Variants in EYA4 observed in about 807,000 individuals in gnomAD.
The protein encoded by EYA4 is protein phosphatase EYA4.
Under a neutral mutation model 87.9 loss-of-function variants are expected in EYA4, and 31 were observed. The observed-to-expected ratio is 0.35, with a 90% confidence interval of 0.27 to 0.48. EYA4 has a LOEUF of 0.48. Ranked by LOEUF, EYA4 falls within the 20% of genes least tolerant of loss-of-function variation. EYA4 has a pLI of 0.99. For missense variants in EYA4, 678 were observed against 761.4 expected (o/e 0.89, Z 1.29); for synonymous variants, 263 against 270.6 (o/e 0.97, Z 0.28).
In EYA4 at chr6:133,456,551, C is replaced by T. The variant is rs369963371; in HGVS notation, c.278-5C>T. 1.3e-5 allele frequency: 20 copies of T among 1,595,384 alleles called. No homozygotes were observed. The South Asian group carries it at 1.3e-4, about 11-fold the overall frequency. Reference sequence around the variant, plus strand: ...AAACTCACATGTACTTATTCTTCTACGTAGTGTCTCTTCTTGCAGTCAAAA... The same window carrying T: ...AAACTCACATGTACTTATTCTTCTATGTAGTGTCTCTTCTTGCAGTCAAAA... On this transcript the variant is annotated splice_region_variant and splice_polypyrimidine_tract_variant and intron_variant, in intron 5 of 19. Transcript: ENST00000355286.
chr6:133,486,129 G>A (rs958444342), intron 13 of EYA4, among the ~76,000 whole-genome samples: 1 of 151,942 alleles, frequency 6.6e-6, no homozygotes, highest in African/African-American at 2.4e-5. Flanking sequence ...AGTGTTTTTA[G>A]GCTATATTTT....
intron 1 of EYA4, among the ~76,000 whole-genome samples, chr6:133,265,276 C>T (rs1045349686): frequency 6.6e-6 from 1 of 151,492 alleles, no homozygotes; most frequent in Non-Finnish European, 1.5e-5. Flanking sequence ...AAAATAATTG[C>T]GGTTTTTGCT....
rs561183714 is a variant in EYA4 at position 133,414,561 on chromosome 6, G to A, written c.84-32069G>A. On this transcript the variant is annotated intron_variant, in intron 3 of 19. Coordinates refer to ENST00000355286, the MANE Select transcript of EYA4 (RefSeq NM_004100.5). ...GCATGGATCCAATAGAAAGAAGGGT[G>A]GGGCCCTTTGCTATGCCAGGCTATA... Among the ~76,000 whole-genome samples the A allele has an allele frequency of 2.0e-5, 3 of 152,212 alleles. No homozygotes were observed. The East Asian group carries it at 5.8e-4, about 29-fold the overall frequency.
At chr6:133,402,989 G>A (rs914399591) in intron 3 of EYA4, among the ~76,000 whole-genome samples, 6 of 152,004 alleles carry the variant, frequency 3.9e-5, no homozygotes, top group Admixed American at 2.0e-4. Flanking sequence ...TCAGTGCCTC[G>A]GTTTTATCAT....
chr6:133,385,215 C>G (rs541420774), intron 3 of EYA4, among the ~76,000 whole-genome samples: 2 of 148,042 alleles, frequency 1.4e-5, no homozygotes, highest in Non-Finnish European at 3.0e-5. Context: ...AGGAGAATGG[C>G]GTGAACCTGG....
intron 3 of EYA4, among the ~76,000 whole-genome samples, chr6:133,441,099 A>G: frequency 6.6e-6 from 1 of 151,994 alleles, no homozygotes; most frequent in Admixed American, 6.6e-5. Flanking sequence ...ATTATTCTGT[A>G]TCATTCTCTT....
intron 3 of EYA4, among the ~76,000 whole-genome samples, chr6:133,443,728 T>G (rs1172118427): frequency 6.6e-6 from 1 of 152,180 alleles, no homozygotes; most frequent in Non-Finnish European, 1.5e-5. Context: ...ATTATCATTT[T>G]GTTCTAAATA....
chr6:133,468,800 A>G, intron 11 of EYA4, 69 bp downstream of exon 11: 2 of 1,505,054 alleles, frequency 1.3e-6, no homozygotes, highest in South Asian at 1.1e-5. Flanking sequence ...GAGAAAGTGG[A>G]CATTCCAAAA....
chr6:133,529,879 A>G lies in EYA4; in HGVS notation c.*1074A>G. 4 of 985,440 alleles carry G rather than the reference A, an allele frequency of 4.1e-6. No individual in the cohort carries two copies. The highest frequency in any genetic ancestry group is 4.8e-6 in the Non-Finnish European group (4 of 829,916). 61.0% of individuals were successfully genotyped at this position (985,440 alleles called of 1,614,324 possible). ...CACAGTTTTGAGGTTGAGACTTTTG[A>G]TATGTGTAAGTTGCATAGAGGAGGA... On this transcript the variant is annotated 3_prime_UTR_variant, in exon 20 of 20. Transcript: ENST00000355286.
chr6:133,396,858 T>G (rs184208511), intron 3 of EYA4, among the ~76,000 whole-genome samples: 2 of 152,284 alleles, frequency 1.3e-5, no homozygotes, highest in East Asian at 3.9e-4. Context: ...CAACCATGCC[T>G]TCTTCCAGAT....
chr6:133,378,926 G>GTGT (rs1785933324), intron 2 of EYA4, among the ~76,000 whole-genome samples: 1 of 141,726 alleles, frequency 7.1e-6, no homozygotes, highest in Non-Finnish European at 1.5e-5. Context: ...TTTCTGTCTT[G>GTGT]GTGTGTGTGT....
chr6:133,301,646 A>G lies in EYA4; in HGVS notation c.33+26833A>G, dbSNP rs181643353. On this transcript the variant is annotated intron_variant, in intron 2 of 19. Coordinates refer to ENST00000355286, the MANE Select transcript of EYA4 (RefSeq NM_004100.5). ...GATGCTATTTTTATTTCTATTTTAT[A>G]GGGAAATTGGAACTTGGTGCTGTTT... 2.0e-4 allele frequency among the ~76,000 whole-genome samples: 31 copies of G among 152,356 alleles called. No individual in the cohort carries two copies. In the East Asian group the frequency reaches 5.2e-3, roughly 26 times the overall value.
At chr6:133,509,696 G>A (rs937955758) in intron 14 of EYA4, among the ~76,000 whole-genome samples, 1 of 152,202 alleles carries the variant, frequency 6.6e-6, no homozygotes, top group Non-Finnish European at 1.5e-5. Flanking sequence ...AAAGACTGCT[G>A]TGAATTATAA....
intron 6 of EYA4, among the ~76,000 whole-genome samples, chr6:133,458,530 C>T (rs1794103442): frequency 6.6e-6 from 1 of 152,068 alleles, no homozygotes; most frequent in Non-Finnish European, 1.5e-5. Flanking sequence ...AACATCAGCA[C>T]TGTTAAAGAC....
chr6:133,407,960 G>A (rs1004196389), intron 3 of EYA4, among the ~76,000 whole-genome samples: 2 of 152,142 alleles, frequency 1.3e-5, no homozygotes, highest in Non-Finnish European at 2.9e-5. Flanking sequence ...ATGGGGGGAA[G>A]AAAAGGAAAC....
chr6:133,423,077 A>G (rs552765041), intron 3 of EYA4, among the ~76,000 whole-genome samples: 1 of 152,130 alleles, frequency 6.6e-6, no homozygotes, highest in Non-Finnish European at 1.5e-5. Context: ...GATGGGGAAC[A>G]CAAAGGGAAA....
intron 3 of EYA4, among the ~76,000 whole-genome samples, chr6:133,431,821 T>C (rs1177657959): frequency 2.6e-5 from 4 of 152,236 alleles, no homozygotes; most frequent in African/African-American, 9.6e-5. Flanking sequence ...CATCTAATTT[T>C]ATGCAATATT....
Position 133,525,266 on chromosome 6 carries a change from C to A in EYA4, c.1839+12C>A. The A allele has an allele frequency of 6.2e-7, 1 of 1,603,672 alleles. No individual in the cohort carries two copies. The highest frequency in any genetic ancestry group is 8.5e-7 in the Non-Finnish European group (1 of 1,170,738). On this transcript the variant is annotated intron_variant, in intron 19 of 19. Transcript: ENST00000355286. ...AGGCAGCAAAAAAGGTAACCTGTCT[C>A]AAACAATGTCGGTGTGATACTTCTA...
chr6:133,496,334 A>G (rs531737268), intron 13 of EYA4, among the ~76,000 whole-genome samples: 120 of 152,296 alleles, frequency 7.9e-4, no homozygotes, highest in African/African-American at 2.8e-3. Flanking sequence ...GTGTAACAAC[A>G]TTTTGGTATA....
Sources: allele counts gnomAD v4.1 joint callset (sites outside exome capture counted in the v4.1 genomes callset), GRCh38; gene constraint gnomAD v4.1.1; transcripts MANE v1.5; gene names NCBI Gene and HGNC (gene_info 2026-07-23, HGNC 2026-07-21).